Variants in STXBP5L observed in about 807,000 individuals in gnomAD.
STXBP5L encodes the protein syntaxin binding protein 5L, also known as syntaxin-binding protein 5-like.
In STXBP5L, 65 loss-of-function variants were observed where a neutral mutation model predicts 144.5. The observed-to-expected ratio is 0.45, with a 90% confidence interval of 0.37 to 0.55. STXBP5L has a LOEUF of 0.55. Ranked by LOEUF, STXBP5L falls within the 20% of genes least tolerant of loss-of-function variation. The pLI, the probability that STXBP5L is intolerant of heterozygous loss-of-function variation, is 0.00. For missense variants in STXBP5L, 1,298 were observed against 1,405.5 expected (o/e 0.92, Z 1.22); for synonymous variants, 505 against 469.6 (o/e 1.08, Z -0.97).
intron 3 of STXBP5L, among the ~76,000 whole-genome samples, chr3:120,971,132 G>T (rs190183703): frequency 6.6e-6 from 1 of 152,218 alleles, no homozygotes; most frequent in African/African-American, 2.4e-5. Context: ...TTGAGCATCT[G>T]GGCATTGGGA....
chr3:121,306,566 T>C (rs1464501759), intron 19 of STXBP5L, among the ~76,000 whole-genome samples: 1 of 152,158 alleles, frequency 6.6e-6, no homozygotes, highest in Non-Finnish European at 1.5e-5. Flanking sequence ...TCTACGTGAA[T>C]AGAGAGCTTC....
chr3:121,360,205 T>A (rs915474912), intron 20 of STXBP5L, among the ~76,000 whole-genome samples: 1 of 151,298 alleles, frequency 6.6e-6, no homozygotes, highest in African/African-American at 2.4e-5. Flanking sequence ...TTTTTTCTGA[T>A]ATAAATATAG....
At position 120,920,779 on chromosome 3, in the gene STXBP5L, A is replaced by T. The variant is rs369186282; in HGVS notation, c.189+11012A>T. On this transcript the variant is annotated intron_variant, in intron 2 of 26. Transcript: ENST00000471454. ...TGCTTGGTTTATTTCATTTAACATG[A>T]CTTCTCATTACATTCATGTTACTGC... 3.3e-5 allele frequency among the ~76,000 whole-genome samples: 5 copies of T among 151,838 alleles called. 1 individual carries two copies. The South Asian group carries it at 8.3e-4, about 25-fold the overall frequency.
intron 7 of STXBP5L, among the ~76,000 whole-genome samples, chr3:121,134,593 C>A (rs2045156495): frequency 6.6e-6 from 1 of 151,014 alleles, no homozygotes; most frequent in East Asian, 2.0e-4. Context: ...GTGTGATGTT[C>A]CCCTTCCTGT....
intron 11 of STXBP5L, among the ~76,000 whole-genome samples, chr3:121,228,005 A>G (rs1298001057): frequency 6.6e-6 from 1 of 152,188 alleles, no homozygotes; most frequent in African/African-American, 2.4e-5. Context: ...TTTTAGGCCA[A>G]AAGGCTTAAC....
intron 19 of STXBP5L, 39 bp downstream of exon 19, chr3:121,279,995 G>T (rs1479480264): frequency 6.3e-7 from 1 of 1,597,894 alleles, no homozygotes; most frequent in Non-Finnish European, 8.5e-7. Flanking sequence ...ACTTGATTTG[G>T]TCATCTGTGT....
At chr3:121,347,315 T>C (rs2045037678) in intron 20 of STXBP5L, among the ~76,000 whole-genome samples, 1 of 152,184 alleles carries the variant, frequency 6.6e-6, no homozygotes, top group African/African-American at 2.4e-5. Flanking sequence ...GATCTATATC[T>C]CTGTTTTGGT....
chr3:121,031,103 C>G (rs1946337085), intron 3 of STXBP5L, among the ~76,000 whole-genome samples: 1 of 152,052 alleles, frequency 6.6e-6, no homozygotes, highest in Non-Finnish European at 1.5e-5. Flanking sequence ...AGATAAGCAG[C>G]AAGCAGTTCG....
intron 9 of STXBP5L, among the ~76,000 whole-genome samples, chr3:121,192,926 A>T (rs542209356): frequency 2.2e-4 from 33 of 152,138 alleles, no homozygotes; most frequent in Middle Eastern, 3.4e-3. Flanking sequence ...GGACTTCATA[A>T]CTAAAACACC....
chr3:121,248,867 T>C (rs952710191), intron 14 of STXBP5L, among the ~76,000 whole-genome samples: 3 of 152,238 alleles, frequency 2.0e-5, no homozygotes, highest in African/African-American at 7.2e-5. Flanking sequence ...TGCATATGGC[T>C]AGCCAGTTAT....
chr3:121,381,254 C>G, intron 21 of STXBP5L, 39 bp from the exon 22 acceptor site: 1 of 1,509,498 alleles, frequency 6.6e-7, no homozygotes, highest in African/African-American at 1.6e-5. Context: ...TGGAAATATA[C>G]TAACAATTTG....
chr3:121,154,818 G>A (rs2046057814), intron 8 of STXBP5L, among the ~76,000 whole-genome samples: 5 of 151,772 alleles, frequency 3.3e-5, no homozygotes, highest in South Asian at 4.2e-4. Context: ...TTTTCTTCTG[G>A]TTTTTAAGTC....
intron 3 of STXBP5L, among the ~76,000 whole-genome samples, chr3:121,008,724 G>T (rs989970252): frequency 6.6e-6 from 1 of 151,906 alleles, no homozygotes; most frequent in Non-Finnish European, 1.5e-5. Flanking sequence ...ATGGTAATGT[G>T]TCCTTTATTT....
At chr3:121,183,461 T>A (rs1366635690) in intron 9 of STXBP5L, among the ~76,000 whole-genome samples, 7 of 151,784 alleles carry the variant, frequency 4.6e-5, no homozygotes, top group African/African-American at 1.7e-4. Flanking sequence ...ACAAAACAAA[T>A]CAGTGTACAC....
intron 19 of STXBP5L, among the ~76,000 whole-genome samples, chr3:121,295,238 G>T (rs1460266239): frequency 6.6e-6 from 1 of 152,010 alleles, no homozygotes; most frequent in Non-Finnish European, 1.5e-5. Flanking sequence ...GAAGGAATGG[G>T]AATCAAAGCA....
At chr3:121,060,615 G>T (rs2041221535) in intron 5 of STXBP5L, among the ~76,000 whole-genome samples, 1 of 152,114 alleles carries the variant, frequency 6.6e-6, no homozygotes, top group East Asian at 1.9e-4. Context: ...ACTGTTTTTG[G>T]TTGTTAGGCT....
At chr3:121,034,802 A>T (rs531839964) in intron 3 of STXBP5L, among the ~76,000 whole-genome samples, 1 of 152,146 alleles carries the variant, frequency 6.6e-6, no homozygotes, top group African/African-American at 2.4e-5. Flanking sequence ...TATCCACACT[A>T]TTTTCCACAG....
intron 5 of STXBP5L, among the ~76,000 whole-genome samples, chr3:121,050,886 G>A (rs1431992558): frequency 6.6e-6 from 1 of 152,136 alleles, no homozygotes; most frequent in Non-Finnish European, 1.5e-5. Flanking sequence ...AGGGATGGAG[G>A]AAGATCTACC....
intron 9 of STXBP5L, among the ~76,000 whole-genome samples, chr3:121,171,623 C>T (rs1229412634): frequency 6.6e-6 from 1 of 152,054 alleles, no homozygotes; most frequent in Non-Finnish European, 1.5e-5. Context: ...AATAAAATAC[C>T]TAGGAATACA....
Sources: gnomAD v4.1 joint callset for allele counts (sites outside exome capture counted in the v4.1 genomes callset) on GRCh38, gnomAD v4.1.1 for gene constraint, MANE v1.5 for transcripts, NCBI Gene and HGNC (gene_info 2026-07-23, HGNC 2026-07-21) for gene names.